Variants in WNT5A observed in about 807,000 individuals in gnomAD.
WNT5A encodes Wnt family member 5A, also known as protein Wnt-5a.
WNT5A carries 9 observed loss-of-function variants against 42.1 expected under a neutral mutation model. The observed-to-expected ratio is 0.21, with a 90% CI of 0.13 to 0.37. The LOEUF is 0.37. WNT5A is among the 10% of genes least tolerant of loss of function. The pLI is 1.00. For missense variants in WNT5A, 426 were observed against 534.0 expected (o/e 0.80, Z 1.99); for synonymous variants, 210 against 210.0 (o/e 1.00, Z 0.00).
intron 1 of WNT5A, chr3:55,481,198 G>T (rs1175970372): frequency 1.4e-6 from 1 of 728,700 alleles, no homozygotes; most frequent in Non-Finnish European, 1.8e-6. Flanking sequence ...AAGCCCTGGT[G>T]CCAGGCGCTG....
In WNT5A at chr3:55,466,749, C is replaced by G. The variant is rs2051150744; in HGVS notation, c.*3343G>C. 1 of 152,460 alleles carries G rather than the reference C, an allele frequency of 6.6e-6. No individual in the cohort carries two copies. Among genetic ancestry groups the G allele is most frequent in the South Asian group, 2.1e-4 (1 of 4,816 alleles). 9.4% of individuals were successfully genotyped at this position (152,460 alleles called of 1,614,324 possible). On this transcript the variant is annotated 3_prime_UTR_variant, in exon 5 of 5. Transcript: ENST00000264634. ...CTGCTAAATCGGGTATATGTTTTTG[C>G]AATAAAGAACACTGGTCAATATACA...
intron 4 of WNT5A, among the ~76,000 whole-genome samples, chr3:55,473,544 A>T (rs1211919952): frequency 6.6e-6 from 1 of 152,112 alleles, no homozygotes; most frequent in East Asian, 1.9e-4. Flanking sequence ...GAACCAGGAG[A>T]CTCGTGAGGA....
chr3:55,503,771 T>C, the WNT5A span, among the ~76,000 whole-genome samples: 10 of 151,948 alleles, frequency 6.6e-5, no homozygotes, highest in Non-Finnish European at 1.0e-4. Flanking sequence ...GGCAATATAG[T>C]GAGACCTCAA....
intron 3 of WNT5A, among the ~76,000 whole-genome samples, chr3:55,476,047 C>T (rs2051351867): frequency 6.6e-6 from 1 of 152,182 alleles, no homozygotes; most frequent in Non-Finnish European, 1.5e-5. Context: ...TCAGTTTATC[C>T]TATACTTACT....
Position 55,474,526 on chromosome 3 carries a change from G to C in WNT5A, c.495C>G (p.Ser165Arg). The C allele has an allele frequency of 6.4e-7, 1 of 1,562,974 alleles. No individual in the cohort carries two copies. Among genetic ancestry groups the C allele is most frequent in the Non-Finnish European group, 8.7e-7 (1 of 1,156,034 alleles). Residue 165 changes from serine to arginine, a missense_variant, in exon 4 of 5, where the codon AGC becomes AGG. This residue lies in a region of WNT5A where 358 missense variants were observed against 468.1 expected (regional missense o/e 0.76). Coordinates refer to ENST00000264634, the MANE Select transcript of WNT5A (RefSeq NM_003392.7). The part of the protein sequence containing the change: ...REGELSTCGC[S>R]RAARPKDLPR... ...GCAGGTCCTTGGGGCGCGCGGCGCG[G>C]CTGCAGCCGCAGGTGGACAGCTCGC...
rs1466429974 is a variant in WNT5A, at chr3:55,487,160, G to C, written c.-175C>G. 10 of 597,816 alleles carry C rather than the reference G, an allele frequency of 1.7e-5. No individual in the cohort carries two copies. Among genetic ancestry groups the C allele is most frequent in the Non-Finnish European group, 2.9e-5 (10 of 339,306 alleles). The allele number at this position is 597,816 out of a possible 1,614,324, so 37.0% of individuals were successfully genotyped here. A position where few individuals can be genotyped will look rare whatever the true frequency, so the allele number is the denominator to read the frequency against. On this transcript the variant is annotated 5_prime_UTR_variant, in exon 1 of 5. Transcript: ENST00000264634. ...GGAGCTGAAGCGGGCACTGGCGCCC[G>C]GGCCTGGACTCCCGAGTTGGGGCAG...
At chr3:55,481,207 T>C (rs2051454386) in intron 1 of WNT5A, 1 of 798,280 alleles carries the variant, frequency 1.3e-6, no homozygotes, top group East Asian at 6.5e-5. Flanking sequence ...TGCCAGGCGC[T>C]GCCTCCTTCC....
At chr3:55,477,608 T>C (rs1197959214) in intron 3 of WNT5A, among the ~76,000 whole-genome samples, 2 of 152,192 alleles carry the variant, frequency 1.3e-5, no homozygotes, top group Non-Finnish European at 2.9e-5. Context: ...AAATACAGGC[T>C]TTTGTACCAA....
chr3:55,491,941 T>G (rs1429364466), upstream of WNT5A, among the ~76,000 whole-genome samples: 1 of 152,184 alleles, frequency 6.6e-6, no homozygotes, highest in Non-Finnish European at 1.5e-5. Context: ...ATGGCCACCG[T>G]CAAAGTAATA....
upstream of WNT5A, among the ~76,000 whole-genome samples, chr3:55,492,811 C>T (rs996582438): frequency 2.0e-5 from 3 of 152,122 alleles, no homozygotes; most frequent in African/African-American, 7.2e-5. Context: ...TGAGATAGAT[C>T]GTATTATTAT....
chr3:55,495,866 A>G, the WNT5A span, among the ~76,000 whole-genome samples: 1 of 152,214 alleles, frequency 6.6e-6, no homozygotes, highest in South Asian at 2.1e-4. Context: ...ATGGCAAGAG[A>G]GCTACACAAT....
At chr3:55,487,306 TC>T, upstream of WNT5A, 1 of 403,304 alleles carries the variant, frequency 2.5e-6, no homozygotes, top group Non-Finnish European at 4.4e-6. Flanking sequence ...AGGCAACTGT[TC>T]CACGGAGAGG....
At chr3:55,501,923 A>G in the WNT5A span, 2 of 152,186 alleles carry the variant, frequency 1.3e-5, no homozygotes, top group South Asian at 4.1e-4. Flanking sequence ...TCTGTTATCA[A>G]TTTTGACTGG....
At chr3:55,485,448 C>G (rs1207105441) in intron 1 of WNT5A, among the ~76,000 whole-genome samples, 1 of 151,920 alleles carries the variant, frequency 6.6e-6, no homozygotes, top group East Asian at 1.9e-4. Flanking sequence ...GTGGAGGAGA[C>G]GAAGGCTACT....
At position 55,467,446 on chromosome 3, in the gene WNT5A, G is replaced by A. The variant is rs183329172; in HGVS notation, c.*2646C>T. The stretch of plus-strand genomic sequence containing the variant: ...CCATTACATATAGAAACCTTTTGAA[G>A]CTTCCAAATAGCTTGGTTTTGGTAA... On this transcript the variant is annotated 3_prime_UTR_variant, in exon 5 of 5. Coordinates refer to ENST00000264634, the MANE Select transcript of WNT5A (RefSeq NM_003392.7). 51 of 150,046 alleles carry A rather than the reference G, an allele frequency of 3.4e-4. No individual in the cohort carries two copies. Among genetic ancestry groups the A allele is most frequent in the Admixed American group, 2.7e-3 (41 of 14,952 alleles). 9.3% of individuals were successfully genotyped at this position (150,046 alleles called of 1,614,324 possible).
intron 1 of WNT5A, among the ~76,000 whole-genome samples, chr3:55,482,244 G>A (rs1480394334): frequency 1.3e-5 from 2 of 152,220 alleles, no homozygotes; most frequent in Non-Finnish European, 2.9e-5. Flanking sequence ...GAATTTCAGG[G>A]GTAGGAGTTG....
Position 55,470,025 on chromosome 3 carries a change from C to T in WNT5A, c.*67G>A, listed in dbSNP as rs763663982. The T allele has an allele frequency of 1.7e-4, 273 of 1,594,074 alleles. No homozygotes were observed. Among genetic ancestry groups the T allele is most frequent in the Non-Finnish European group, 2.3e-4 (263 of 1,166,948 alleles). On this transcript the variant is annotated 3_prime_UTR_variant, in exon 5 of 5. Transcript: ENST00000264634. ...AAAAATATTTCTAAAAACCAAAAACCAGAATCACTGTACTTTCTATAAATA... is the reference window on the plus strand; with the variant it reads ...AAAAATATTTCTAAAAACCAAAAACTAGAATCACTGTACTTTCTATAAATA...
At chr3:55,479,651 A>G in intron 2 of WNT5A, 87 bp from the exon 3 acceptor site, 1 of 1,463,058 alleles carries the variant, frequency 6.8e-7, no homozygotes, top group South Asian at 1.5e-5. Context: ...CATAGTTTTA[A>G]GCACACAGAT....
upstream of WNT5A, chr3:55,494,032 T>C (rs931120892): frequency 2.0e-5 from 3 of 152,256 alleles, no homozygotes; most frequent in Non-Finnish European, 2.9e-5. Context: ...GCGTATTCTA[T>C]GTGGCCCGCT....
Sources: gnomAD v4.1 joint callset for allele counts (sites outside exome capture counted in the v4.1 genomes callset) on GRCh38, gnomAD v4.1.1 for gene constraint, gnomAD v4.1.1 regional missense constraint, MANE v1.5 for transcripts, NCBI Gene and HGNC (gene_info 2026-07-23, HGNC 2026-07-21) for gene names.